TIAM2: variants seen among roughly 807,000 people sequenced by gnomAD.
TIAM2 encodes the protein rho guanine nucleotide exchange factor TIAM2.
A neutral mutation model predicts 152.9 loss-of-function variants in TIAM2; 80 were observed. That is an observed-to-expected ratio of 0.52 (90% CI 0.44 to 0.63). TIAM2 has a LOEUF of 0.63. TIAM2 is among the 30% of genes least tolerant of loss of function. The pLI, the probability that TIAM2 is intolerant of heterozygous loss-of-function variation, is 0.00. For synonymous variants in TIAM2, 804 were observed against 838.0 expected, an observed-to-expected ratio of 0.96 and a Z score of 0.70; for missense variants, 1,965 against 2,120.1, an observed-to-expected ratio of 0.93 and a Z score of 1.44.
intron 9 of TIAM2, among the ~76,000 whole-genome samples, chr6:155,173,147 G>A (rs1240644421): frequency 4.0e-5 from 6 of 149,908 alleles, no homozygotes; most frequent in Non-Finnish European, 7.4e-5. Context: ...TACTTTTCTT[G>A]AACTGTATAC....
At chr6:155,146,909 C>G (rs1779832270) in intron 6 of TIAM2, among the ~76,000 whole-genome samples, 1 of 151,928 alleles carries the variant, frequency 6.6e-6, no homozygotes, top group South Asian at 2.1e-4. Context: ...GCGTGAGCCA[C>G]CACGCCTGTC....
rs539964934 is a variant in TIAM2 at position 155,220,813 on chromosome 6, T to C, written c.3168+9506T>C. Among the ~76,000 whole-genome samples the C allele has an allele frequency of 4.5e-4, 68 of 152,318 alleles. 1 individual carries two copies. The East Asian group carries it at 0.013, about 29-fold the overall frequency. On this transcript the variant is annotated intron_variant, in intron 15 of 26. Coordinates refer to ENST00000682666, the MANE Select transcript of TIAM2 (RefSeq NM_012454.4). ...TAAGTTCTGGGATACATGTGCAGAA[T>C]GTGCAGGTTTGTTACATAGGTATAC...
intron 2 of TIAM2, among the ~76,000 whole-genome samples, chr6:155,104,180 C>T (rs948861918): frequency 1.3e-5 from 2 of 151,782 alleles, no homozygotes; most frequent in East Asian, 1.9e-4. Flanking sequence ...GGTGGTACAT[C>T]CTTGTGCTGC....
chr6:155,108,538 C>T (rs985629896), intron 2 of TIAM2, among the ~76,000 whole-genome samples: 4 of 152,056 alleles, frequency 2.6e-5, no homozygotes, highest in Non-Finnish European at 4.4e-5. Flanking sequence ...CTGACCAGAC[C>T]GTAAATAGTG....
chr6:155,015,107 T>C (rs1286144541), intron 1 of TIAM2, among the ~76,000 whole-genome samples: 1 of 151,930 alleles, frequency 6.6e-6, no homozygotes, highest in East Asian at 1.9e-4. Context: ...TGGTGATCTG[T>C]GCAGAGAGTC....
intron 2 of TIAM2, among the ~76,000 whole-genome samples, chr6:155,124,477 T>C (rs1342877202): frequency 1.3e-5 from 2 of 152,176 alleles, no homozygotes; most frequent in Non-Finnish European, 2.9e-5. Flanking sequence ...ATTACAGGCA[T>C]GCACCACCAT....
At chr6:155,022,753 G>A (rs1245888224) in intron 1 of TIAM2, among the ~76,000 whole-genome samples, 1 of 152,214 alleles carries the variant, frequency 6.6e-6, no homozygotes, top group Admixed American at 6.5e-5. Context: ...AATGCTTATT[G>A]TTGACAAGTC....
At chr6:155,215,925 A>G (rs910673288) in intron 15 of TIAM2, among the ~76,000 whole-genome samples, 1 of 151,858 alleles carries the variant, frequency 6.6e-6, no homozygotes, top group Non-Finnish European at 1.5e-5. Context: ...CTCCCACCTC[A>G]GCCTCCTAAG....
intron 9 of TIAM2, among the ~76,000 whole-genome samples, chr6:155,175,318 C>T (rs1482695342): frequency 2.0e-5 from 3 of 152,120 alleles, no homozygotes; most frequent in South Asian, 2.1e-4. Context: ...AATTTCTTTA[C>T]GATGTCTCTT....
intron 1 of TIAM2, among the ~76,000 whole-genome samples, chr6:155,037,782 C>T (rs1170377694): frequency 6.6e-6 from 1 of 152,050 alleles, no homozygotes; most frequent in Admixed American, 6.6e-5. Flanking sequence ...TGCCCGCCTC[C>T]ACCTCCCAAA....
At chr6:155,077,385 G>A (rs903391334) in intron 1 of TIAM2, among the ~76,000 whole-genome samples, 1 of 152,084 alleles carries the variant, frequency 6.6e-6, no homozygotes, top group African/African-American at 2.4e-5. Context: ...AGATATTGAA[G>A]CACAGCAATC....
intron 1 of TIAM2, among the ~76,000 whole-genome samples, chr6:155,015,552 G>C (rs762363754): frequency 2.6e-5 from 4 of 152,126 alleles, no homozygotes; most frequent in Non-Finnish European, 1.5e-5. Flanking sequence ...GGTGGAAGAA[G>C]AATAGGAGGC....
intron 2 of TIAM2, among the ~76,000 whole-genome samples, chr6:155,120,572 GT>G (rs1194757934): frequency 1.3e-5 from 2 of 152,194 alleles, no homozygotes; most frequent in Non-Finnish European, 2.9e-5. Context: ...TTATTAGTAA[GT>G]TTGGATCCCT....
chr6:155,135,648 A>G (rs931682007), intron 4 of TIAM2, among the ~76,000 whole-genome samples: 5 of 152,230 alleles, frequency 3.3e-5, no homozygotes, highest in Non-Finnish European at 5.9e-5. Flanking sequence ...TTATGTTTTC[A>G]GCTCTGTGCA....
chr6:155,111,628 G>C (rs1778853475), intron 2 of TIAM2, among the ~76,000 whole-genome samples: 1 of 152,100 alleles, frequency 6.6e-6, no homozygotes, highest in African/African-American at 2.4e-5. Flanking sequence ...GTGATAGGAG[G>C]GGCAGTTGCT....
At chr6:155,024,914 G>T (rs1776569787) in intron 1 of TIAM2, among the ~76,000 whole-genome samples, 1 of 152,216 alleles carries the variant, frequency 6.6e-6, no homozygotes, top group South Asian at 2.1e-4. Context: ...CCAGAAGGGA[G>T]AAATCCAGAA....
rs534316918 is a variant in TIAM2 at position 155,126,521 on chromosome 6, C to T, written c.-117-969C>T. Among the ~76,000 whole-genome samples the T allele has an allele frequency of 5.3e-5, 8 of 152,210 alleles. No homozygotes were observed. In the South Asian group the frequency reaches 1.2e-3, roughly 24 times the overall value. On this transcript the variant is annotated intron_variant, in intron 2 of 26. Coordinates refer to ENST00000682666, the MANE Select transcript of TIAM2 (RefSeq NM_012454.4). ...CTGAGGTGAGCAGATCACCTGAGGT[C>T]GGGAGTTTGAGAACAGTCTGACCAA...
At chr6:155,255,176 C>T (rs1377034684) in intron 26 of TIAM2, 1 of 152,454 alleles carries the variant, frequency 6.6e-6, no homozygotes, top group African/African-American at 2.4e-5. Context: ...TGAAGGCAGG[C>T]TAGGCTAAGC....
intron 9 of TIAM2, among the ~76,000 whole-genome samples, chr6:155,172,669 T>TAGATATATAG (rs1562341141): frequency 1.0e-4 from 1 of 9,648 alleles, no homozygotes; most frequent in African/African-American, 4.2e-4. Context: ...TATATATATA[T>TAGATATATAG]ATATATATAT....
Sources: gnomAD v4.1 joint callset for allele counts (sites outside exome capture counted in the v4.1 genomes callset) on GRCh38, gnomAD v4.1.1 for gene constraint, MANE v1.5 for transcripts, NCBI Gene and HGNC (gene_info 2026-07-23, HGNC 2026-07-21) for gene names.